Variants in CREB1 observed in about 807,000 individuals in gnomAD.
CREB1 encodes cAMP responsive element binding protein 1.
A neutral mutation model predicts 42.0 loss-of-function variants in CREB1; 2 were observed. That is an observed-to-expected ratio of 0.05 (90% confidence interval 0.02 to 0.15). The LOEUF (loss-of-function observed/expected upper bound fraction) is 0.15. Ranked by LOEUF, CREB1 falls within the 10% of genes least tolerant of loss-of-function variation. CREB1 has a pLI of 1.00. For synonymous variants in CREB1, 123 were observed against 139.9 expected (o/e 0.88, Z 0.85); for missense variants, 199 against 388.9 (o/e 0.51, Z 4.11).
At chr2:207,568,950 C>T (rs565697712) in intron 4 of CREB1, among the ~76,000 whole-genome samples, 1 of 152,002 alleles carries the variant, frequency 6.6e-6, no homozygotes, top group African/African-American at 2.4e-5. Context: ...TCATTTCTTT[C>T]CTACCCATCC....
chr2:207,540,538 C>A (rs1207171809), intron 1 of CREB1, among the ~76,000 whole-genome samples: 1 of 151,504 alleles, frequency 6.6e-6, no homozygotes, highest in African/African-American at 2.4e-5. Context: ...CTGCTACTCA[C>A]GAGGCCAAGG....
chr2:207,550,618 T>A (rs576685211), intron 1 of CREB1: 1 of 152,288 alleles, frequency 6.6e-6, no homozygotes, highest in East Asian at 1.9e-4. Context: ...TCCTTTTGCC[T>A]AATGATTGAA....
At position 207,539,754 on chromosome 2, in the gene CREB1, T is replaced by C. The variant is rs567275300; in HGVS notation, c.-9+9620T>C. The stretch of plus-strand genomic sequence containing the variant: ...AGAAGGGGCTTAGTGAGGAAAAGTT[T>C]TGTGGGAGAAGTAGAATTCAAGTTG... On this transcript the variant is annotated intron_variant, in intron 1 of 7. Coordinates refer to ENST00000353267, the MANE Select transcript of CREB1 (RefSeq NM_004379.5). Among the ~76,000 whole-genome samples, 3 of 152,218 alleles carry C rather than the reference T, an allele frequency of 2.0e-5. No individual in the cohort carries two copies. In the South Asian group the frequency reaches 6.2e-4, roughly 32 times the overall value.
intron 4 of CREB1, among the ~76,000 whole-genome samples, chr2:207,569,361 G>A (rs911363779): frequency 2.6e-5 from 4 of 152,090 alleles, no homozygotes; most frequent in Non-Finnish European, 5.9e-5. Context: ...TCGGGATTGT[G>A]CCAGTTTTAT....
rs1024921179 is a variant in CREB1 at position 207,605,783 on chromosome 2, T to C, written c.*8725T>C. 1.3e-5 allele frequency among the ~76,000 whole-genome samples: 2 copies of C among 152,204 alleles called. No homozygotes were observed. Among genetic ancestry groups the C allele is most frequent in the Non-Finnish European group, 2.9e-5 (2 of 68,030 alleles). ...TTACAGATATACAGAGGTTGGTAAC[T>C]AGGTCTACACAAGTTGTATCTCCAG... On this transcript the variant is annotated 3_prime_UTR_variant, in exon 8 of 8. Coordinates refer to ENST00000353267, the MANE Select transcript of CREB1 (RefSeq NM_004379.5).
At chr2:207,563,522 A>T (rs1457936373) in intron 3 of CREB1, among the ~76,000 whole-genome samples, 2 of 152,256 alleles carry the variant, frequency 1.3e-5, no homozygotes, top group South Asian at 4.1e-4. Flanking sequence ...ATGATTATTT[A>T]GTAAGCATAC....
chr2:207,550,090 A>C lies in CREB1; in HGVS notation c.-8-5538A>C, dbSNP rs531257401. Among the ~76,000 whole-genome samples, 4 of 152,338 alleles carry C rather than the reference A, an allele frequency of 2.6e-5. No individual in the cohort carries two copies. The South Asian group carries it at 8.3e-4, about 32-fold the overall frequency. The stretch of plus-strand genomic sequence containing the variant: ...AATTATGTATCACATGTAGGTACTT[A>C]TAGATATATTTATGCAGAGTATTTT... On this transcript the variant is annotated intron_variant, in intron 1 of 7. Coordinates refer to ENST00000353267, the MANE Select transcript of CREB1 (RefSeq NM_004379.5).
Position 207,560,362 on chromosome 2 carries a change from A to C in CREB1, c.251A>C (p.Gln84Pro), listed in dbSNP as rs1442606985. ...TCAGTTATTCAGTCTCCACAAGTCC[A>C]AACAGTTCAGGTATGTGTATAAAAA... ...QPSVIQSPQV[Q>P]TVQISTIAES... Residue 84 changes from glutamine (Q) to proline (P), a missense_variant, in exon 3 of 8, where the codon CAA becomes CCA. Transcript: ENST00000353267. 1 of 1,613,696 alleles carries C rather than the reference A, an allele frequency of 6.2e-7. No individual in the cohort carries two copies. Among genetic ancestry groups the C allele is most frequent in the Non-Finnish European group, 8.5e-7 (1 of 1,179,740 alleles).
chr2:207,552,939 T>C (rs1264432660), intron 1 of CREB1, among the ~76,000 whole-genome samples: 1 of 152,058 alleles, frequency 6.6e-6, no homozygotes, highest in Non-Finnish European at 1.5e-5. Context: ...CTTAATACTT[T>C]GACTCATTAC....
chr2:207,582,229 T>A (rs1574909836), intron 7 of CREB1: 8 of 701,204 alleles, frequency 1.1e-5, no homozygotes, highest in Non-Finnish European at 1.6e-5. Context: ...AGGTGTATTT[T>A]AGAAGAAGTA....
chr2:207,548,784 C>G (rs2081392472), intron 1 of CREB1, among the ~76,000 whole-genome samples: 1 of 152,042 alleles, frequency 6.6e-6, no homozygotes, highest in African/African-American at 2.4e-5. Context: ...AAAAAGATTC[C>G]TTTTTGCTAT....
rs138999643 is a variant in CREB1, at chr2:207,595,089, G to A, written c.840-1825G>A. On this transcript the variant is annotated intron_variant, in intron 7 of 7. Coordinates refer to ENST00000353267, the MANE Select transcript of CREB1 (RefSeq NM_004379.5). ...CGGCTTACTGCAACCTCTGCCTCCC[G>A]GGTTTAAGTGATTCTCCTGCCTCAG... is the stretch of plus-strand genomic sequence containing the variant. Among the ~76,000 whole-genome samples, 469 of 149,018 alleles carry A rather than the reference G, an allele frequency of 3.1e-3. 4 individuals are homozygous for A. The highest frequency in any genetic ancestry group is 7.0e-3 in the Admixed American group (104 of 14,804).
At position 207,598,413 on chromosome 2, in the gene CREB1, A is replaced by G. The variant is rs1296814849; in HGVS notation, c.*1355A>G. On this transcript the variant is annotated 3_prime_UTR_variant, in exon 8 of 8. Coordinates refer to ENST00000353267, the MANE Select transcript of CREB1 (RefSeq NM_004379.5). Reference sequence around the variant, plus strand: ...AACAGTCTGTATTTGTGTATATCATACATTGTTTTCAATACCACTTTTAAT... The same window carrying G: ...AACAGTCTGTATTTGTGTATATCATGCATTGTTTTCAATACCACTTTTAAT... 5.5e-6 allele frequency: 1 copy of G among 182,890 alleles called. No homozygotes were observed. The highest frequency in any genetic ancestry group is 1.2e-5 in the Non-Finnish European group (1 of 86,110). The allele number at this position is 182,890 out of a possible 1,614,324, so 11.3% of individuals were successfully genotyped here. A position where few individuals can be genotyped will look rare whatever the true frequency, so the allele number is the denominator to read the frequency against.
chr2:207,577,316 A>T, intron 6 of CREB1, 189 bp from the exon 7 acceptor site: 2 of 1,021,524 alleles, frequency 2.0e-6, no homozygotes, highest in Non-Finnish European at 2.7e-6. Flanking sequence ...TAATAAATAC[A>T]TTACATTGGG....
intron 5 of CREB1, among the ~76,000 whole-genome samples, chr2:207,571,070 T>G (rs1344462256): frequency 7.0e-6 from 1 of 142,926 alleles, no homozygotes; most frequent in Non-Finnish European, 1.5e-5. Context: ...AGTGATTTTT[T>G]TCATTTGTAT....
rs1397072683 is a variant in CREB1, at chr2:207,603,993, G to T, written c.*6935G>T. Among the ~76,000 whole-genome samples the T allele has an allele frequency of 6.6e-6, 1 of 152,132 alleles. No individual in the cohort carries two copies. The highest frequency in any genetic ancestry group is 1.5e-5 in the Non-Finnish European group (1 of 68,020). On this transcript the variant is annotated 3_prime_UTR_variant, in exon 8 of 8. Transcript: ENST00000353267. Reference sequence around the variant, plus strand: ...GCTATACCTGCCATTGTATTGGAAGGCTTAATGAATTTCATTTATTTTCTG... The same window carrying T: ...GCTATACCTGCCATTGTATTGGAAGTCTTAATGAATTTCATTTATTTTCTG...
At position 207,598,484 on chromosome 2, in the gene CREB1, CTTAA is replaced by C. The variant is rs1236719541; in HGVS notation, c.*1427_*1430del. The C allele has an allele frequency of 2.7e-5, 2 of 74,704 alleles. No individual in the cohort carries two copies. Among genetic ancestry groups the C allele is most frequent in the Admixed American group, 2.2e-4 (1 of 4,584 alleles). 4.6% of individuals were successfully genotyped at this position (74,704 alleles called of 1,614,324 possible). On this transcript the variant is annotated 3_prime_UTR_variant, in exon 8 of 8. Transcript: ENST00000353267. The stretch of plus-strand genomic sequence containing the variant: ...AAGCTCGATAAATCTAACAGTTACT[CTTAA>C]AAAAAAAAAAAAAAGACTAAGGTGG...
At chr2:207,594,019 C>CCAG (rs989132492) in intron 7 of CREB1, among the ~76,000 whole-genome samples, 59 of 152,258 alleles carry the variant, frequency 3.9e-4, no homozygotes, top group African/African-American at 1.4e-3. Flanking sequence ...AGCCACCACA[C>CCAG]CAGCCCTCAC....
rs751568736 is a variant in CREB1, at chr2:207,570,132, T to TA, written c.363-44dup. The stretch of plus-strand genomic sequence containing the variant: ...TTTAACTATATTTGTATTTAGCCAG[T>TA]AAATTGTACTTATATTTTTAATTAT... On this transcript the variant is annotated intron_variant, in intron 4 of 7. Coordinates refer to ENST00000353267, the MANE Select transcript of CREB1 (RefSeq NM_004379.5). 2.1e-6 allele frequency: 3 copies of TA among 1,442,134 alleles called. No individual in the cohort carries two copies. The African/African-American group carries it at 4.4e-5, about 21-fold the overall frequency. The allele number at this position is 1,442,134 out of a possible 1,614,324, so 89.3% of individuals were successfully genotyped here. A position where few individuals can be genotyped will look rare whatever the true frequency, so the allele number is the denominator to read the frequency against.
Sources: gnomAD v4.1 joint callset for allele counts (sites outside exome capture counted in the v4.1 genomes callset) on GRCh38, gnomAD v4.1.1 for gene constraint, MANE v1.5 for transcripts, NCBI Gene and HGNC (gene_info 2026-07-23, HGNC 2026-07-21) for gene names.